SCARA5: variants seen among roughly 807,000 people sequenced by gnomAD.
SCARA5 encodes the protein scavenger receptor class A member 5.
A neutral mutation model predicts 46.3 loss-of-function variants in SCARA5; 45 were observed. The ratio of observed to expected loss-of-function variants is 0.97; its 90% confidence interval spans 0.76 to 1.24. The LOEUF is 1.24. SCARA5 is among the 50% of genes most tolerant of loss of function. The pLI, the probability that SCARA5 is intolerant of heterozygous loss-of-function variation, is 0.00. For missense variants in SCARA5, 680 were observed against 689.0 expected (o/e 0.99, Z 0.15); for synonymous variants, 333 against 306.5 (o/e 1.09, Z -0.90).
chr8:27,921,842 G>A lies in SCARA5; in HGVS notation c.645C>T (p.Ile215=). Residue 215 remains isoleucine (I), a synonymous_variant, in exon 4 of 9, where the codon ATC becomes ATT. Transcript: ENST00000354914. The stretch of plus-strand genomic sequence containing the variant: ...CCACGTCGGCCAGCTCCTCGCCCAG[G>A]ATGCCCACCCTGCGCGCCAGCCCGT... ...LLDGLARRVG[I]LGEELADVGG... is the part of the protein sequence containing the mutation. The A allele has an allele frequency of 6.5e-7, 1 of 1,541,070 alleles. No homozygotes were observed. Among genetic ancestry groups the A allele is most frequent in the Non-Finnish European group, 8.7e-7 (1 of 1,149,872 alleles).
intron 4 of SCARA5, 90 bp downstream of exon 4, chr8:27,921,481 G>C: frequency 8.9e-7 from 1 of 1,121,534 alleles, no homozygotes; most frequent in Non-Finnish European, 1.2e-6. Flanking sequence ...GGTGGGGCTG[G>C]GGTACTCCTG....
At chr8:27,974,036 T>C (rs78839212) in intron 2 of SCARA5, among the ~76,000 whole-genome samples, 7,103 of 152,136 alleles carry the variant, frequency 0.047, 316 homozygotes, top group East Asian at 0.2. Context: ...AAAGTTTATA[T>C]AAAAACAACA....
At chr8:27,875,813 A>C (rs1311705744) in intron 8 of SCARA5, among the ~76,000 whole-genome samples, 1 of 152,186 alleles carries the variant, frequency 6.6e-6, no homozygotes, top group Non-Finnish European at 1.5e-5. Flanking sequence ...TGGGCAACAT[A>C]GCAAGACCCT....
At chr8:27,896,506 G>A (rs1246586619) in intron 7 of SCARA5, among the ~76,000 whole-genome samples, 5 of 152,082 alleles carry the variant, frequency 3.3e-5, no homozygotes, top group Non-Finnish European at 7.4e-5. Flanking sequence ...TCTCAGCATG[G>A]TTCCCTCCTC....
At chr8:27,940,973 T>C (rs1020516300) in intron 3 of SCARA5, among the ~76,000 whole-genome samples, 19 of 152,198 alleles carry the variant, frequency 1.2e-4, no homozygotes, top group Non-Finnish European at 2.5e-4. Context: ...AAATATTTAA[T>C]CTTACAAAAC....
intron 7 of SCARA5, among the ~76,000 whole-genome samples, chr8:27,892,028 C>G (rs1009956124): frequency 6.6e-6 from 1 of 152,212 alleles, no homozygotes; most frequent in South Asian, 2.1e-4. Flanking sequence ...TGGGAAAGAC[C>G]GTGAATCATT....
chr8:27,873,128 G>A (rs1003360453), intron 8 of SCARA5, among the ~76,000 whole-genome samples: 3 of 152,104 alleles, frequency 2.0e-5, no homozygotes, highest in African/African-American at 4.8e-5. Context: ...TGAAGACCAG[G>A]GCTGTCAGCA....
At chr8:27,945,428 C>G (rs187835698) in intron 3 of SCARA5, among the ~76,000 whole-genome samples, 2 of 152,168 alleles carry the variant, frequency 1.3e-5, no homozygotes, top group African/African-American at 2.4e-5. Flanking sequence ...ATTAATTGAC[C>G]AGGTCTAAGC....
At chr8:27,945,479 G>C (rs1484026772) in intron 3 of SCARA5, among the ~76,000 whole-genome samples, 1 of 152,174 alleles carries the variant, frequency 6.6e-6, no homozygotes, top group Non-Finnish European at 1.5e-5. Flanking sequence ...TTCTGATTCC[G>C]CATTCCTTTA....
chr8:27,932,242 A>C (rs1807786523), intron 3 of SCARA5, among the ~76,000 whole-genome samples: 1 of 152,124 alleles, frequency 6.6e-6, no homozygotes. Flanking sequence ...GTCCTCCCAA[A>C]GTCCTGAGAT....
At chr8:27,931,580 A>G (rs1807773698) in intron 3 of SCARA5, among the ~76,000 whole-genome samples, 1 of 152,238 alleles carries the variant, frequency 6.6e-6, no homozygotes, top group Non-Finnish European at 1.5e-5. Flanking sequence ...TACCTGAGAA[A>G]GAACAACAGT....
chr8:27,951,612 C>T (rs114347329), intron 3 of SCARA5, among the ~76,000 whole-genome samples: 3,834 of 152,278 alleles, frequency 0.025, 148 homozygotes, highest in African/African-American at 0.087. Context: ...CCGTCCTGCA[C>T]GGTGCCATCA....
chr8:27,938,865 T>C (rs1230127825), intron 3 of SCARA5, among the ~76,000 whole-genome samples: 2 of 152,330 alleles, frequency 1.3e-5, no homozygotes, highest in Admixed American at 1.3e-4. Flanking sequence ...GCCAGCAAAC[T>C]GACCATTTAT....
chr8:27,929,596 A>C (rs1356172248), intron 3 of SCARA5, among the ~76,000 whole-genome samples: 1 of 152,204 alleles, frequency 6.6e-6, no homozygotes, highest in Non-Finnish European at 1.5e-5. Flanking sequence ...AGGATGAGAA[A>C]AGAGAGGCTC....
intron 5 of SCARA5, among the ~76,000 whole-genome samples, chr8:27,908,359 T>C (rs1197310803): frequency 2.0e-5 from 3 of 150,820 alleles, no homozygotes; most frequent in South Asian, 2.1e-4. Flanking sequence ...GCCGGCGCCA[T>C]GCAGAGCCAG....
At chr8:27,904,481 A>G in intron 7 of SCARA5, 1 of 529,832 alleles carries the variant, frequency 1.9e-6, no homozygotes, top group Non-Finnish European at 3.3e-6. Context: ...TATAGATGAG[A>G]ACACTGAGGC....
Position 27,981,121 on chromosome 8 carries a change from T to C in SCARA5, c.112+6383A>G, listed in dbSNP as rs537097102. Reference sequence around the variant, plus strand: ...AAGGCGCTTTACCCGGGTTATATCATGTAATCCTCCCACAATGCCTGTGGG... The same window carrying C: ...AAGGCGCTTTACCCGGGTTATATCACGTAATCCTCCCACAATGCCTGTGGG... On this transcript the variant is annotated intron_variant, in intron 2 of 8. Coordinates refer to ENST00000354914, the MANE Select transcript of SCARA5 (RefSeq NM_173833.6). Among the ~76,000 whole-genome samples, 7 of 152,318 alleles carry C rather than the reference T, an allele frequency of 4.6e-5. No individual in the cohort carries two copies. In the East Asian group the frequency reaches 9.6e-4, roughly 21 times the overall value.
chr8:27,982,900 G>C (rs1808646058), intron 2 of SCARA5, among the ~76,000 whole-genome samples: 1 of 152,174 alleles, frequency 6.6e-6, no homozygotes, highest in East Asian at 1.9e-4. Flanking sequence ...AGAAATGAGG[G>C]GCGAGAAGGA....
intron 6 of SCARA5, among the ~76,000 whole-genome samples, chr8:27,905,253 A>C (rs982747530): frequency 6.6e-6 from 1 of 152,068 alleles, no homozygotes; most frequent in African/African-American, 2.4e-5. Flanking sequence ...TGTGGGAGAG[A>C]CCATAAAACA....
Sources: allele counts gnomAD v4.1 joint callset (sites outside exome capture counted in the v4.1 genomes callset), GRCh38; gene constraint gnomAD v4.1.1; transcripts MANE v1.5; gene names NCBI Gene and HGNC (gene_info 2026-07-23, HGNC 2026-07-21).